RNF43: variants seen among roughly 807,000 people sequenced by gnomAD.
The protein encoded by RNF43 is E3 ubiquitin-protein ligase RNF43.
RNF43 carries 37 observed loss-of-function variants against 78.4 expected under a neutral mutation model. That is an observed-to-expected ratio of 0.47 (90% CI 0.36 to 0.62). RNF43 has a LOEUF of 0.62. RNF43 is among the 20% of genes least tolerant of loss of function. RNF43 has a pLI of 0.00. For missense variants in RNF43, 774 were observed against 1,007.9 expected, an observed-to-expected ratio of 0.77 and a Z score of 3.14; for synonymous variants, 347 against 395.0, an observed-to-expected ratio of 0.88 and a Z score of 1.44.
intron 2 of RNF43, among the ~76,000 whole-genome samples, chr17:58,406,557 T>C (rs1260364600): frequency 6.6e-6 from 1 of 152,152 alleles, no homozygotes; most frequent in Non-Finnish European, 1.5e-5. Context: ...ATAGAGCCAA[T>C]ACAGTCCTTC....
At chr17:58,367,762 G>A (rs961593791) in intron 3 of RNF43, among the ~76,000 whole-genome samples, 5 of 152,166 alleles carry the variant, frequency 3.3e-5, no homozygotes, top group African/African-American at 1.2e-4. Flanking sequence ...GAAGAATTAT[G>A]GTGAGGGTTT....
chr17:58,410,192 T>C (rs1973999261), intron 2 of RNF43, among the ~76,000 whole-genome samples: 1 of 152,226 alleles, frequency 6.6e-6, no homozygotes, highest in Admixed American at 6.5e-5. Context: ...TATATAAATC[T>C]GTTTGATGAT....
intron 2 of RNF43, among the ~76,000 whole-genome samples, chr17:58,409,045 T>C (rs547153042): frequency 3.3e-5 from 5 of 152,216 alleles, no homozygotes; most frequent in Non-Finnish European, 7.4e-5. Context: ...CTCAGGGAAA[T>C]AGGAAAAGAC....
chr17:58,364,933 AGGGGG>A (rs1196134753), intron 3 of RNF43, among the ~76,000 whole-genome samples: 1 of 152,186 alleles, frequency 6.6e-6, no homozygotes, highest in African/African-American at 2.4e-5. Flanking sequence ...AGCAAGGCCC[AGGGGG>A]CCACTCAGAA....
At chr17:58,363,241 T>G (rs890509181) in intron 5 of RNF43, 34 bp downstream of exon 5, 2 of 1,609,184 alleles carry the variant, frequency 1.2e-6, no homozygotes, top group Non-Finnish European at 1.7e-6. Context: ...TAGGGCTAAG[T>G]GCAGGGCAAG....
chr17:58,353,402 A>C (rs2143354079), downstream of RNF43: 1 of 199,534 alleles, frequency 5.0e-6, no homozygotes, highest in African/African-American at 2.3e-5. Flanking sequence ...TCACTGAAGT[A>C]TGATAATGTG....
chr17:58,377,309 T>C (rs1973223658), intron 2 of RNF43, among the ~76,000 whole-genome samples: 1 of 152,316 alleles, frequency 6.6e-6, no homozygotes, highest in Non-Finnish European at 1.5e-5. Context: ...TCCCTTCTTA[T>C]TCCTGGAAGG....
At position 58,358,362 on chromosome 17, in the gene RNF43, G is replaced by A. The variant is rs1567873604; in HGVS notation, c.1414C>T (p.His472Tyr). The change falls in exon 9 of 10, where the codon CAT (histidine) becomes TAT (tyrosine). Residue 472 changes from histidine (H) to tyrosine (Y), a missense_variant. Coordinates refer to ENST00000407977, the MANE Select transcript of RNF43 (RefSeq NM_017763.6). This position sits in a 1 kb window ranked among gnomAD's most constrained non-coding sequence, Gnocchi z 6.2. ...PASDSSSGPC[H>Y]GSSSDSVVNC... The stretch of plus-strand genomic sequence containing the variant: ...ACCACAGAGTCACTGGAAGAGCCAT[G>A]ACAGGGCCCTGAGCTGGAGTCACTG... The A allele has an allele frequency of 6.2e-7, 1 of 1,614,184 alleles. No individual in the cohort carries two copies. The highest frequency in any genetic ancestry group is 2.2e-5 in the East Asian group (1 of 44,888).
At position 58,415,488 on chromosome 17, in the gene RNF43, C is replaced by A. The variant is rs2143696640; in HGVS notation, c.90G>T (p.Leu30=). 1 of 1,613,630 alleles carries A rather than the reference C, an allele frequency of 6.2e-7. No homozygotes were observed. Among genetic ancestry groups the A allele is most frequent in the Non-Finnish European group, 8.5e-7 (1 of 1,180,030 alleles). ...TLQAGFGRTG[L]VLAAAVESER... ...CAGACTCCACCGCTGCTGCCAGTAC[C>A]AGTCCTGTGCGTCCAAAGCCTGCCT... The change falls in exon 2 of 10, where the codon CTG becomes CTT. Residue 30 remains leucine (L), a synonymous_variant. Coordinates refer to ENST00000407977, the MANE Select transcript of RNF43 (RefSeq NM_017763.6).
At chr17:58,397,239 C>A (rs1973701719) in intron 2 of RNF43, among the ~76,000 whole-genome samples, 1 of 152,058 alleles carries the variant, frequency 6.6e-6, no homozygotes, top group African/African-American at 2.4e-5. Context: ...TTTTATGAAA[C>A]ACAGCAATCC....
chr17:58,362,683 T>C, intron 5 of RNF43, 35 bp from the exon 6 acceptor site: 1 of 1,525,502 alleles, frequency 6.6e-7, no homozygotes, highest in African/African-American at 1.4e-5. Context: ...GGGTCATACT[T>C]CCGGGATGAG....
At chr17:58,381,412 G>C (rs1973315112) in intron 2 of RNF43, among the ~76,000 whole-genome samples, 1 of 152,166 alleles carries the variant, frequency 6.6e-6, no homozygotes, top group Non-Finnish European at 1.5e-5. Flanking sequence ...GGCCTGCTTT[G>C]GGGGGACTGT....
chr17:58,368,486 G>A (rs541207364), intron 3 of RNF43, among the ~76,000 whole-genome samples: 11 of 152,130 alleles, frequency 7.2e-5, no homozygotes, highest in Non-Finnish European at 1.5e-4. Flanking sequence ...GGCGGAGGTT[G>A]CAGTGAGCTG....
intron 2 of RNF43, 21 bp from the exon 3 acceptor site, chr17:58,371,054 G>T (rs2143516845): frequency 6.5e-7 from 1 of 1,545,908 alleles, no homozygotes; most frequent in South Asian, 1.2e-5. Flanking sequence ...AGACAGACTT[G>T]GGTTAGGGAG....
chr17:58,359,651 G>T (rs539253075), intron 8 of RNF43, among the ~76,000 whole-genome samples: 1 of 151,224 alleles, frequency 6.6e-6, no homozygotes, highest in Non-Finnish European at 1.5e-5. Flanking sequence ...TACATGCCAG[G>T]CACGGTGGCT....
chr17:58,399,465 T>TC (rs1276352114), intron 2 of RNF43, among the ~76,000 whole-genome samples: 2 of 152,152 alleles, frequency 1.3e-5, no homozygotes, highest in Non-Finnish European at 2.9e-5. Flanking sequence ...GGCTATAGAA[T>TC]CGTATCTGCT....
Position 58,358,994 on chromosome 17 carries a change from C to G in RNF43, c.953-171G>C, listed in dbSNP as rs1972772022. ...CCTGTGCTCTGGGACTCCTTTGTTC[C>G]CTCCAGTCAGGTTGCCTGCCCTGGG... On this transcript the variant is annotated intron_variant, in intron 8 of 9. Coordinates refer to ENST00000407977, the MANE Select transcript of RNF43 (RefSeq NM_017763.6). This position sits in a 1 kb window ranked among gnomAD's most constrained non-coding sequence, Gnocchi z 6.2. Among the ~76,000 whole-genome samples the G allele has an allele frequency of 1.3e-5, 2 of 152,258 alleles. No homozygotes were observed. The highest frequency in any genetic ancestry group is 4.1e-4 in the South Asian group (2 of 4,830).
Position 58,367,731 on chromosome 17 carries a change from T to G in RNF43, c.375+3180A>C, listed in dbSNP as rs180778978. Among the ~76,000 whole-genome samples, 43 of 152,016 alleles carry G rather than the reference T, an allele frequency of 2.8e-4. No homozygotes were observed. In the Middle Eastern group the frequency reaches 0.01, roughly 36 times the overall value. ...GAGGGTGGAGGGGATAGTGGGGTGGTGACAAGAATGGAAGCCTCCAGAAGA... is the reference window on the plus strand; with the variant it reads ...GAGGGTGGAGGGGATAGTGGGGTGGGGACAAGAATGGAAGCCTCCAGAAGA... On this transcript the variant is annotated intron_variant, in intron 3 of 9. Coordinates refer to ENST00000407977, the MANE Select transcript of RNF43 (RefSeq NM_017763.6).
chr17:58,409,567 C>G (rs1345094780), intron 2 of RNF43, among the ~76,000 whole-genome samples: 1 of 152,186 alleles, frequency 6.6e-6, no homozygotes, highest in Non-Finnish European at 1.5e-5. Context: ...CTTAGACGGT[C>G]TCACTATGTT....
Sources: allele counts gnomAD v4.1 joint callset (sites outside exome capture counted in the v4.1 genomes callset), GRCh38; gene constraint gnomAD v4.1.1; non-coding constraint Gnocchi (gnomAD v3.1); transcripts MANE v1.5; gene names NCBI Gene and HGNC (gene_info 2026-07-23, HGNC 2026-07-21).